ABLIM3: variants seen among roughly 807,000 people sequenced by gnomAD.
ABLIM3 encodes actin binding LIM protein family member 3.
ABLIM3 carries 61 observed loss-of-function variants against 109.5 expected under a neutral mutation model. The ratio of observed to expected loss-of-function variants is 0.56; its 90% CI spans 0.45 to 0.69. The LOEUF is 0.69. Among genes scored for constraint, ABLIM3 ranks in the 30% least tolerant of loss-of-function variants. The pLI is 0.00. For synonymous variants in ABLIM3, 300 were observed against 324.8 expected, an observed-to-expected ratio of 0.92 and a Z score of 0.82; for missense variants, 796 against 889.5, an observed-to-expected ratio of 0.89 and a Z score of 1.34.
chr5:149,153,603 G>A (rs1753626716), intron 2 of ABLIM3, among the ~76,000 whole-genome samples: 1 of 152,312 alleles, frequency 6.6e-6, no homozygotes, highest in East Asian at 1.9e-4. Flanking sequence ...TATATTCAGG[G>A]AAGACAGTGA....
At chr5:149,145,306 T>C (rs1752813247) in intron 2 of ABLIM3, among the ~76,000 whole-genome samples, 1 of 152,240 alleles carries the variant, frequency 6.6e-6, no homozygotes, top group Non-Finnish European at 1.5e-5. Flanking sequence ...TCTATGTTGC[T>C]GCAAAGGACA....
At chr5:149,240,819 A>G (rs760494864) in intron 14 of ABLIM3, 45 bp downstream of exon 14, 15 of 1,567,602 alleles carry the variant, frequency 9.6e-6, no homozygotes, top group Non-Finnish European at 1.3e-5. Context: ...TGCATGCTCC[A>G]TGGGGTCACA....
At position 149,190,144 on chromosome 5, in the gene ABLIM3, C is replaced by T. The variant is rs578177307; in HGVS notation, c.151+6555C>T. On this transcript the variant is annotated intron_variant, in intron 3 of 23. Coordinates refer to ENST00000309868, the MANE Select transcript of ABLIM3 (RefSeq NM_014945.5). ...TGCAGGATTTCATATGTATGAAATG[C>T]TCAAAACAGGCATATTATATAAAGA... Among the ~76,000 whole-genome samples, 17 of 152,206 alleles carry T rather than the reference C, an allele frequency of 1.1e-4. No homozygotes were observed. The East Asian group carries it at 3.1e-3, about 28-fold the overall frequency.
rs551710822 is a variant in ABLIM3 at position 149,240,614 on chromosome 5, C to G, written c.1205-62C>G. The G allele has an allele frequency of 7.8e-5, 104 of 1,341,148 alleles. No individual in the cohort carries two copies. The Admixed American group carries it at 1.7e-3, about 22-fold the overall frequency. 83.1% of individuals were successfully genotyped at this position (1,341,148 alleles called of 1,614,324 possible). On this transcript the variant is annotated intron_variant, in intron 13 of 23. Transcript: ENST00000309868. ...CTCACCACTTCCTAAACTGCCACCGCGTTAATGCCTGTTTTCTCTGTGCCT... is the reference window on the plus strand; with the variant it reads ...CTCACCACTTCCTAAACTGCCACCGGGTTAATGCCTGTTTTCTCTGTGCCT...
At chr5:149,171,555 C>A (rs530663547) in intron 2 of ABLIM3, among the ~76,000 whole-genome samples, 6 of 152,286 alleles carry the variant, frequency 3.9e-5, no homozygotes, top group South Asian at 2.1e-4. Flanking sequence ...GGTTCCATAC[C>A]CTATCTGCTC....
rs146603789 is a variant in ABLIM3 at position 149,195,297 on chromosome 5, T to C, written c.152-2922T>C. 5.1e-3 allele frequency among the ~76,000 whole-genome samples: 774 copies of C among 152,324 alleles called. 14 individuals are homozygous for C. Among genetic ancestry groups the C allele is most frequent in the African/African-American group, 0.018 (740 of 41,570 alleles). ...GACGCATTCTGGGGCTGTGTGCAAG[T>C]CCTCCTTCTGGGCCTTATATTTACA... On this transcript the variant is annotated intron_variant, in intron 3 of 23. Transcript: ENST00000309868.
intron 5 of ABLIM3, among the ~76,000 whole-genome samples, chr5:149,203,196 C>T (rs1758643569): frequency 6.6e-6 from 1 of 151,888 alleles, no homozygotes; most frequent in Non-Finnish European, 1.5e-5. Flanking sequence ...CCACTATCTT[C>T]ACCATCACTA....
chr5:149,257,769 A>G (rs1436150570), intron 23 of ABLIM3, among the ~76,000 whole-genome samples: 1 of 152,250 alleles, frequency 6.6e-6, no homozygotes, highest in African/African-American at 2.4e-5. Context: ...AGAAAAAGAT[A>G]AAAGGACATT....
At chr5:149,223,712 C>T (rs960563434) in intron 8 of ABLIM3, among the ~76,000 whole-genome samples, 3 of 152,130 alleles carry the variant, frequency 2.0e-5, no homozygotes, top group Non-Finnish European at 2.9e-5. Context: ...CAGCATGTCC[C>T]GCTAAGCTCA....
At chr5:149,149,333 A>C (rs1753215726) in intron 2 of ABLIM3, among the ~76,000 whole-genome samples, 1 of 152,258 alleles carries the variant, frequency 6.6e-6, no homozygotes, top group South Asian at 2.1e-4. Context: ...ACTCACAGGC[A>C]TTGGGTCTCA....
chr5:149,235,040 G>A (rs370917564), intron 10 of ABLIM3, among the ~76,000 whole-genome samples: 7 of 152,140 alleles, frequency 4.6e-5, no homozygotes, highest in Non-Finnish European at 1.0e-4. Flanking sequence ...GAACACCTGC[G>A]CTTGTGCCTT....
intron 17 of ABLIM3, among the ~76,000 whole-genome samples, chr5:149,246,854 G>C (rs1419001735): frequency 6.6e-6 from 1 of 152,162 alleles, no homozygotes; most frequent in African/African-American, 2.4e-5. Context: ...TTCATTGCTG[G>C]TGAAACCCTT....
intron 9 of ABLIM3, among the ~76,000 whole-genome samples, chr5:149,231,589 G>C (rs1427593893): frequency 6.6e-6 from 1 of 152,182 alleles, no homozygotes. Flanking sequence ...CTTAATGAAA[G>C]TTTTCTGAAA....
rs991285640 is a variant in ABLIM3 at position 149,192,550 on chromosome 5, T to C, written c.152-5669T>C. On this transcript the variant is annotated intron_variant, in intron 3 of 23. Transcript: ENST00000309868. ...CTGAGGCAGGAGAATGGCATGAACC[T>C]GAGAGGCAGAGCTTGCAGTGAGCCA... 2.5e-4 allele frequency among the ~76,000 whole-genome samples: 37 copies of C among 146,890 alleles called. No individual in the cohort carries two copies. In the Admixed American group the frequency reaches 2.6e-3, roughly 10 times the overall value.
At chr5:149,224,462 C>T (rs1760974532) in intron 8 of ABLIM3, among the ~76,000 whole-genome samples, 1 of 152,184 alleles carries the variant, frequency 6.6e-6, no homozygotes, top group Admixed American at 6.5e-5. Context: ...CCCACTTCTC[C>T]CGAGGTGCCC....
chr5:149,192,598 C>T (rs1757584135), intron 3 of ABLIM3, among the ~76,000 whole-genome samples: 1 of 143,416 alleles, frequency 7.0e-6, no homozygotes, highest in African/African-American at 2.6e-5. Context: ...GCACTCCAGC[C>T]TGGGTGACAG....
intron 23 of ABLIM3, among the ~76,000 whole-genome samples, chr5:149,255,732 G>A (rs1754370174): frequency 6.6e-6 from 1 of 152,114 alleles, no homozygotes; most frequent in South Asian, 2.1e-4. Context: ...AGGTTAGTGT[G>A]TCTAGGGTCA....
chr5:149,244,013 C>G (rs886862529), intron 15 of ABLIM3: 1 of 152,326 alleles, frequency 6.6e-6, no homozygotes. Flanking sequence ...CTCTGCCACT[C>G]TGGCTCCACA....
At chr5:149,160,341 C>T (rs771464190) in intron 2 of ABLIM3, among the ~76,000 whole-genome samples, 7 of 151,882 alleles carry the variant, frequency 4.6e-5, no homozygotes, top group Non-Finnish European at 8.8e-5. Context: ...CGCCTGTAAT[C>T]ACAGCTACTC....
Sources: gnomAD v4.1 joint callset for allele counts (sites outside exome capture counted in the v4.1 genomes callset) on GRCh38, gnomAD v4.1.1 for gene constraint, MANE v1.5 for transcripts, NCBI Gene and HGNC (gene_info 2026-07-23, HGNC 2026-07-21) for gene names.